OPCML: variants seen among roughly 807,000 people sequenced by gnomAD.
OPCML encodes opioid binding protein/cell adhesion molecule like.
Under a neutral mutation model 37.8 loss-of-function variants are expected in OPCML, and 13 were observed. The observed-to-expected ratio is 0.34, with a 90% CI of 0.22 to 0.55. The LOEUF (loss-of-function observed/expected upper bound fraction) is 0.55. Ranked by LOEUF, OPCML falls within the 20% of genes least tolerant of loss-of-function variation. The pLI is 0.91. For synonymous variants in OPCML, 176 were observed against 168.8 expected (o/e 1.04, Z -0.33); for missense variants, 341 against 435.6 (o/e 0.78, Z 1.93).
intron 2 of OPCML, among the ~76,000 whole-genome samples, chr11:132,739,219 T>C (rs925220277): frequency 2.6e-5 from 4 of 152,232 alleles, no homozygotes; most frequent in Non-Finnish European, 4.4e-5. Context: ...CACTTCCCTA[T>C]ACATTTATTG....
intron 1 of OPCML, among the ~76,000 whole-genome samples, chr11:133,492,551 A>G (rs1019062011): frequency 6.6e-6 from 1 of 152,114 alleles, no homozygotes; most frequent in Non-Finnish European, 1.5e-5. Context: ...AGACATGGCC[A>G]TATGAATGGA....
At chr11:133,369,711 TAC>T (rs969426930) in intron 1 of OPCML, among the ~76,000 whole-genome samples, 1 of 151,818 alleles carries the variant, frequency 6.6e-6, no homozygotes, top group African/African-American at 2.4e-5. Flanking sequence ...CACACACACA[TAC>T]ACACACACTC....
At chr11:133,328,337 T>A (rs868653915) in intron 1 of OPCML, among the ~76,000 whole-genome samples, 1 of 151,964 alleles carries the variant, frequency 6.6e-6, no homozygotes, top group East Asian at 1.9e-4. Flanking sequence ...TTTGCATTTT[T>A]AGTAGAGATG....
chr11:132,488,558 TG>T (rs1025434004), intron 4 of OPCML, among the ~76,000 whole-genome samples: 1 of 152,220 alleles, frequency 6.6e-6, no homozygotes, highest in African/African-American at 2.4e-5. Flanking sequence ...CTTGTAGGGC[TG>T]GAAGTTCCTC....
At chr11:133,357,440 G>C (rs541576414) in intron 1 of OPCML, among the ~76,000 whole-genome samples, 1 of 152,314 alleles carries the variant, frequency 6.6e-6, no homozygotes, top group African/African-American at 2.4e-5. Context: ...TGTAAAAAGG[G>C]CATGTGTTGG....
chr11:132,909,091 G>A (rs898455480), intron 2 of OPCML, among the ~76,000 whole-genome samples: 2 of 152,220 alleles, frequency 1.3e-5, no homozygotes, highest in Admixed American at 6.5e-5. Context: ...ACACGGCAGA[G>A]CTGAAAGCGA....
chr11:132,724,714 G>A (rs926825626), intron 2 of OPCML, among the ~76,000 whole-genome samples: 13 of 152,268 alleles, frequency 8.5e-5, no homozygotes, highest in African/African-American at 2.9e-4. Flanking sequence ...AAAATCAAAA[G>A]CAAGTTAGTT....
At chr11:132,468,282 C>G (rs921575365) in intron 4 of OPCML, among the ~76,000 whole-genome samples, 1 of 152,232 alleles carries the variant, frequency 6.6e-6, no homozygotes, top group African/African-American at 2.4e-5. Flanking sequence ...CTCCTTCCCT[C>G]TGCAGGCAAA....
At chr11:133,517,361 T>C (rs886529243) in intron 1 of OPCML, among the ~76,000 whole-genome samples, 16 of 152,254 alleles carry the variant, frequency 1.1e-4, no homozygotes, top group African/African-American at 3.6e-4. Flanking sequence ...AAATGGTTTT[T>C]GTAAAAACCA....
intron 1 of OPCML, among the ~76,000 whole-genome samples, chr11:133,046,742 C>G (rs2136957206): frequency 6.6e-6 from 1 of 152,232 alleles, no homozygotes; most frequent in South Asian, 2.1e-4. Context: ...TGGGCTGTAG[C>G]ATTTTAATGC....
At chr11:132,444,252 G>A (rs1341797421) in intron 4 of OPCML, among the ~76,000 whole-genome samples, 1 of 152,184 alleles carries the variant, frequency 6.6e-6, no homozygotes, top group Non-Finnish European at 1.5e-5. Context: ...CTCCCATGGG[G>A]GAGGCAAAGA....
chr11:132,483,718 G>C (rs1429316669), intron 4 of OPCML, among the ~76,000 whole-genome samples: 2 of 151,860 alleles, frequency 1.3e-5, no homozygotes, highest in African/African-American at 4.8e-5. Context: ...CCAAAACAGA[G>C]ATATAGATCA....
intron 1 of OPCML, among the ~76,000 whole-genome samples, chr11:133,374,965 A>G (rs1944765285): frequency 6.6e-6 from 1 of 152,234 alleles, no homozygotes. Context: ...TATACTAATT[A>G]TAATCTGACT....
At chr11:133,422,459 G>A (rs1373254019) in intron 1 of OPCML, 51 of 979,274 alleles carry the variant, frequency 5.2e-5, no homozygotes, top group Non-Finnish European at 3.0e-5. Flanking sequence ...AGTCTTGGGA[G>A]AGGAAGTCTT....
intron 2 of OPCML, among the ~76,000 whole-genome samples, chr11:132,884,591 A>C (rs1943339566): frequency 6.6e-6 from 1 of 152,248 alleles, no homozygotes; most frequent in African/African-American, 2.4e-5. Context: ...CTATAGTTTA[A>C]AGACAGAACA....
intron 7 of OPCML, among the ~76,000 whole-genome samples, chr11:132,423,383 A>T (rs1261988669): frequency 1.3e-5 from 2 of 152,250 alleles, no homozygotes; most frequent in Non-Finnish European, 2.9e-5. Flanking sequence ...TACGATACAC[A>T]GTGAAGCTAG....
At chr11:132,675,177 GTGTGTA>G (rs908496809) in intron 2 of OPCML, among the ~76,000 whole-genome samples, 17 of 103,534 alleles carry the variant, frequency 1.6e-4, no homozygotes, top group Admixed American at 6.4e-4. Flanking sequence ...GTGTGTGTGT[GTGTGTA>G]TATATATATA....
chr11:132,701,146 G>A (rs995737416), intron 2 of OPCML, among the ~76,000 whole-genome samples: 3 of 152,174 alleles, frequency 2.0e-5, no homozygotes, highest in East Asian at 1.9e-4. Context: ...AGCATAGCTG[G>A]GGAAGCCTTA....
rs569797826 is a variant in OPCML, at chr11:132,503,540, GA to G, written c.505+25520del. Among the ~76,000 whole-genome samples, 387 of 151,786 alleles carry G rather than the reference GA, an allele frequency of 2.5e-3. 1 individual carries two copies. The highest frequency in any genetic ancestry group is 8.9e-3 in the African/African-American group (369 of 41,420). On this transcript the variant is annotated intron_variant, in intron 4 of 7. Coordinates refer to ENST00000524381, the MANE Select transcript of OPCML (RefSeq NM_001012393.5). ...TGTGTCTGAAACTAATGCCAAGAATGAAAAAAAGTATCAATATTATAACTGA... is the reference window on the plus strand; with the variant it reads ...TGTGTCTGAAACTAATGCCAAGAATGAAAAAAGTATCAATATTATAACTGA...
Sources: gnomAD v4.1 joint callset for allele counts (sites outside exome capture counted in the v4.1 genomes callset) on GRCh38, gnomAD v4.1.1 for gene constraint, MANE v1.5 for transcripts, NCBI Gene and HGNC (gene_info 2026-07-23, HGNC 2026-07-21) for gene names.